Variants in ZNF510 observed in about 807,000 individuals in gnomAD.
ZNF510 encodes the protein zinc finger protein 510.
In ZNF510, 15 loss-of-function variants were observed where a neutral mutation model predicts 18.1. That is an observed-to-expected ratio of 0.83 (90% CI 0.55 to 1.28). The LOEUF (loss-of-function observed/expected upper bound fraction) is 1.28. Among genes scored for constraint, ZNF510 ranks in the 50% most tolerant of loss-of-function variants. ZNF510 has a pLI of 0.00. For synonymous variants in ZNF510, 261 were observed against 266.4 expected (o/e 0.98, Z 0.20); for missense variants, 724 against 791.8 (o/e 0.91, Z 1.03).
chr9:96,774,357 A>C (rs554370495), intron 3 of ZNF510, among the ~76,000 whole-genome samples: 1 of 152,348 alleles, frequency 6.6e-6, no homozygotes, highest in East Asian at 1.9e-4. Context: ...GTTTGGCACT[A>C]AGCCGTCTAC....
At position 96,760,147 on chromosome 9, in the gene ZNF510, T is replaced by C; in HGVS notation, c.683A>G (p.His228Arg). 1 of 1,611,602 alleles carries C rather than the reference T, an allele frequency of 6.2e-7. No homozygotes were observed. The highest frequency in any genetic ancestry group is 1.1e-5 in the South Asian group (1 of 90,356). Residue 228 changes from histidine (H) to arginine (R), a missense_variant, in exon 6 of 6, where the codon CAT (histidine) becomes CGT (arginine). Transcript: ENST00000223428. The part of the protein sequence containing the change: ...KTQTGEKFYE[H>R]NKNMKALNYN... ...ATTGAGAGCTTTCATGTTTTTATTA[T>C]GTTCATAAAATTTCTCTCCAGTCTG... is the stretch of plus-strand genomic sequence containing the variant.
At position 96,759,661 on chromosome 9, in the gene ZNF510, A is replaced by G; in HGVS notation, c.1169T>C (p.Val390Ala). 1.2e-6 allele frequency: 2 copies of G among 1,613,630 alleles called. No homozygotes were observed. The highest frequency in any genetic ancestry group is 1.7e-6 in the Non-Finnish European group (2 of 1,179,934). Reference sequence around the variant, plus strand: ...GTGACTTCTTCGGCGAACTCTGTGAACCGACGTCTGGTAGGATTTCTTATT... The same window carrying G: ...GTGACTTCTTCGGCGAACTCTGTGAGCCGACGTCTGGTAGGATTTCTTATT... ...HENKKSYQTS[V>A]HRVRRRSHSM... The change falls in exon 6 of 6, where the codon GTT (valine) becomes GCT (alanine). Residue 390 changes from valine to alanine, a missense_variant. By Grantham distance (64) the Val-to-Ala change is moderately conservative. Coordinates refer to ENST00000223428, the MANE Select transcript of ZNF510 (RefSeq NM_014930.3).
chr9:96,763,081 C>CCTTGGTCTACTA (rs1468719690), intron 5 of ZNF510, 37 bp downstream of exon 5: 1 of 1,569,986 alleles, frequency 6.4e-7, no homozygotes, highest in Non-Finnish European at 8.8e-7. Flanking sequence ...TCTAACCACT[C>CCTTGGTCTACTA]CTGCAGAATT....
At chr9:96,773,809 C>G (rs1232108949) in intron 3 of ZNF510, among the ~76,000 whole-genome samples, 13 of 152,204 alleles carry the variant, frequency 8.5e-5, no homozygotes. Context: ...CTCCTGACTT[C>G]AAGTGATCTG....
chr9:96,765,458 C>T (rs1296197845), intron 3 of ZNF510, among the ~76,000 whole-genome samples: 1 of 151,998 alleles, frequency 6.6e-6, no homozygotes, highest in African/African-American at 2.4e-5. Flanking sequence ...GTCCACTTCT[C>T]AGTCTATTTA....
chr9:96,770,505 G>A (rs1259749999), intron 3 of ZNF510, among the ~76,000 whole-genome samples: 1 of 151,978 alleles, frequency 6.6e-6, no homozygotes, highest in Admixed American at 6.6e-5. Flanking sequence ...GGGAGGCTGA[G>A]GCAGGAGAAC....
chr9:96,777,984 A>C (rs1364179978), intron 1 of ZNF510, 50 bp downstream of exon 1: 1 of 152,336 alleles, frequency 6.6e-6, no homozygotes, highest in Admixed American at 6.5e-5. Flanking sequence ...GGACACTAGC[A>C]CATCCCTCCC....
chr9:96,763,023 A>G lies in ZNF510; in HGVS notation c.352+95T>C, dbSNP rs772115033. The G allele has an allele frequency of 6.1e-6, 6 of 979,406 alleles. No homozygotes were observed. The African/African-American group carries it at 8.0e-5, about 13-fold the overall frequency. 60.7% of individuals were successfully genotyped at this position (979,406 alleles called of 1,614,324 possible). A position where few individuals can be genotyped will look rare whatever the true frequency, so the allele number is the denominator to read the frequency against. ...GCTTTTTGTGCCTTTAGGCTTTCTA[A>G]GAAAAGTCTTGCAATATTTAGGTGT... On this transcript the variant is annotated intron_variant, in intron 5 of 5. Transcript: ENST00000223428.
rs73536613 is a variant in ZNF510 at position 96,776,202 on chromosome 9, A to G, written c.-133T>C. 9.0e-3 allele frequency: 12,654 copies of G among 1,398,944 alleles called. 978 individuals are homozygous for G. In the African/African-American group the frequency reaches 0.17, roughly 18 times the overall value. The allele number at this position is 1,398,944 out of a possible 1,614,324, so 86.7% of individuals were successfully genotyped here. On this transcript the variant is annotated 5_prime_UTR_variant, in exon 2 of 6. Transcript: ENST00000223428. ...TGAGGAGGTCTCTGTTCTGTCAGAG[A>G]GCAGTTCTTCGGTGGGACTCCTGTT... is the stretch of plus-strand genomic sequence containing the variant.
rs189241019 is a variant in ZNF510, at chr9:96,764,850, C to T, written c.130-1218G>A. ...GAGTAACGGGCCGGGTGCGGTGGCT[C>T]ATGCCTGTAATCCTAGCACTTTGGG... is the stretch of plus-strand genomic sequence containing the variant. On this transcript the variant is annotated intron_variant, in intron 3 of 5. Coordinates refer to ENST00000223428, the MANE Select transcript of ZNF510 (RefSeq NM_014930.3). 1.4e-4 allele frequency among the ~76,000 whole-genome samples: 21 copies of T among 152,214 alleles called. No individual in the cohort carries two copies. The East Asian group carries it at 3.9e-3, about 28-fold the overall frequency.
Position 96,758,920 on chromosome 9 carries a change from A to G in ZNF510, c.1910T>C (p.Phe637Ser). ...TATTCTGAGGTTTGATTTCTGGCCAAAAGTTTTCCCACATTTATTACACTG... is the reference window on the plus strand; with the variant it reads ...TATTCTGAGGTTTGATTTCTGGCCAGAAGTTTTCCCACATTTATTACACTG... ...PFQCNKCGKT[F>S]GQKSNLRIHQ... is the part of the protein sequence containing the mutation. Residue 637 changes from phenylalanine (F) to serine (S), a missense_variant, in exon 6 of 6, where the codon TTT becomes TCT. Phe to Ser is a radical substitution (Grantham distance 155, BLOSUM62 -2). Transcript: ENST00000223428. 1.9e-6 allele frequency: 3 copies of G among 1,614,100 alleles called. No homozygotes were observed. The highest frequency in any genetic ancestry group is 2.5e-6 in the Non-Finnish European group (3 of 1,180,004).
intron 3 of ZNF510, among the ~76,000 whole-genome samples, chr9:96,773,092 A>G (rs1359687611): frequency 6.6e-6 from 1 of 152,228 alleles, no homozygotes; most frequent in East Asian, 1.9e-4. Context: ...GTAAAAGAAT[A>G]CACTTTGTAT....
At chr9:96,766,952 T>A (rs1849486633) in intron 3 of ZNF510, among the ~76,000 whole-genome samples, 1 of 152,144 alleles carries the variant, frequency 6.6e-6, no homozygotes, top group Admixed American at 6.5e-5. Context: ...GGCAAATGTG[T>A]ACTAGTTTGA....
intron 3 of ZNF510, among the ~76,000 whole-genome samples, chr9:96,773,255 TACAC>T (rs1045624665): frequency 1.3e-4 from 20 of 152,190 alleles, no homozygotes; most frequent in Non-Finnish European, 1.5e-5. Context: ...TCCATCCAGT[TACAC>T]ACTTCAGAGT....
intron 3 of ZNF510, among the ~76,000 whole-genome samples, chr9:96,772,429 T>C (rs1849601486): frequency 6.6e-6 from 1 of 152,164 alleles, no homozygotes; most frequent in Non-Finnish European, 1.5e-5. Context: ...TTGTCAAATA[T>C]ATTATTTAAA....
intron 5 of ZNF510, among the ~76,000 whole-genome samples, chr9:96,760,857 A>C (rs1400951038): frequency 2.0e-5 from 3 of 152,158 alleles, no homozygotes; most frequent in African/African-American, 7.2e-5. Flanking sequence ...AACAAGGAAA[A>C]TCAGGAGATA....
chr9:96,773,182 G>C (rs1849618897), intron 3 of ZNF510, among the ~76,000 whole-genome samples: 1 of 152,128 alleles, frequency 6.6e-6, no homozygotes, highest in Non-Finnish European at 1.5e-5. Context: ...TTGCCCTGTA[G>C]AGGGGAGCAG....
Position 96,759,082 on chromosome 9 carries a change from C to A in ZNF510, c.1748G>T (p.Arg583Leu), listed in dbSNP as rs140977740. 6.2e-7 allele frequency: 1 copy of A among 1,612,466 alleles called. No homozygotes were observed. The highest frequency in any genetic ancestry group is 1.7e-5 in the Admixed American group (1 of 59,826). The change falls in exon 6 of 6, where the codon CGG (arginine) becomes CTG (leucine). Residue 583 changes from arginine (R) to leucine (L), a missense_variant. Transcript: ENST00000223428. ...KCNECGKTFA[R>L]TSTLRVHQRI... ...TTGATGCACTCTGAGGGTTGATGTC[C>A]GGGCAAAAGTTTTCCCACATTCGTT...
chr9:96,771,857 C>T (rs1364705048), intron 3 of ZNF510, among the ~76,000 whole-genome samples: 3 of 151,936 alleles, frequency 2.0e-5, no homozygotes, highest in Non-Finnish European at 4.4e-5. Flanking sequence ...ATCATTTGTG[C>T]TATTATCAAA....
Sources: allele counts gnomAD v4.1 joint callset (sites outside exome capture counted in the v4.1 genomes callset), GRCh38; gene constraint gnomAD v4.1.1; transcripts MANE v1.5; gene names NCBI Gene and HGNC (gene_info 2026-07-23, HGNC 2026-07-21).